SLC15A1: variants seen among roughly 807,000 people sequenced by gnomAD.
SLC15A1 encodes solute carrier family 15 member 1.
Under a neutral mutation model 92.9 loss-of-function variants are expected in SLC15A1, and 83 were observed. That is an observed-to-expected ratio of 0.89 (90% CI 0.75 to 1.07). The LOEUF is 1.07. Ranked by LOEUF, SLC15A1 falls within the 50% of genes least tolerant of loss-of-function variation. The pLI is 0.00. For missense variants in SLC15A1, 857 were observed against 880.1 expected, an observed-to-expected ratio of 0.97 and a Z score of 0.33; for synonymous variants, 322 against 318.2, an observed-to-expected ratio of 1.01 and a Z score of -0.13.
chr13:98,730,760 C>A (rs1407396747), intron 1 of SLC15A1, among the ~76,000 whole-genome samples: 22 of 152,234 alleles, frequency 1.4e-4, no homozygotes, highest in Admixed American at 1.4e-3. Context: ...TTTCCTAAGG[C>A]CCCGTTTATC....
At chr13:98,709,945 G>C in intron 11 of SLC15A1, 34 bp from the exon 12 acceptor site, 1 of 1,610,948 alleles carries the variant, frequency 6.2e-7, no homozygotes, top group Non-Finnish European at 8.5e-7. Flanking sequence ...TATTATTTGG[G>C]GATGTGGGTT....
In SLC15A1 at chr13:98,686,344, G is replaced by A. The variant is rs112268059; in HGVS notation, c.1828-47C>T. On this transcript the variant is annotated intron_variant, in intron 21 of 22. Transcript: ENST00000376503. ...AGTCCTGCTCCAGGTCTCACCCTCCGAGCAGGAGAACACAGCTCACCGATG... is the reference window on the plus strand; with the variant it reads ...AGTCCTGCTCCAGGTCTCACCCTCCAAGCAGGAGAACACAGCTCACCGATG... 71 of 1,343,912 alleles carry A rather than the reference G, an allele frequency of 5.3e-5. No individual in the cohort carries two copies. The African/African-American group carries it at 6.9e-4, about 13-fold the overall frequency. The allele number at this position is 1,343,912 out of a possible 1,614,324, so 83.2% of individuals were successfully genotyped here.
chr13:98,711,249 C>T (rs1310749594), intron 11 of SLC15A1, among the ~76,000 whole-genome samples: 5 of 152,168 alleles, frequency 3.3e-5, no homozygotes, highest in Non-Finnish European at 2.9e-5. Context: ...TAAAAACAAA[C>T]ACTTTCCAAT....
At chr13:98,749,658 G>C (rs891305061) in intron 1 of SLC15A1, among the ~76,000 whole-genome samples, 2 of 152,096 alleles carry the variant, frequency 1.3e-5, no homozygotes, top group African/African-American at 4.8e-5. Flanking sequence ...GACAGCCCTT[G>C]GGAAAAGAAC....
chr13:98,734,783 C>T (rs1413787806), intron 1 of SLC15A1, among the ~76,000 whole-genome samples: 2 of 152,104 alleles, frequency 1.3e-5, no homozygotes, highest in Non-Finnish European at 2.9e-5. Context: ...CAAGACTAAA[C>T]CAGGAAGACA....
intron 18 of SLC15A1, among the ~76,000 whole-genome samples, chr13:98,700,276 C>G (rs9300505): frequency 0.04 from 6,125 of 151,854 alleles, 190 homozygotes; most frequent in East Asian, 0.095. Context: ...TGCTTCAGCT[C>G]AGGAGTTTGA....
intron 1 of SLC15A1, among the ~76,000 whole-genome samples, chr13:98,748,033 C>T (rs1053542589): frequency 6.6e-6 from 1 of 152,196 alleles, no homozygotes; most frequent in African/African-American, 2.4e-5. Context: ...CCTGCTCAGA[C>T]AAACACTCCT....
intron 2 of SLC15A1, 132 bp from the exon 3 acceptor site, chr13:98,726,581 A>G: frequency 1.2e-6 from 1 of 847,422 alleles, no homozygotes; most frequent in Non-Finnish European, 2.0e-6. Flanking sequence ...AGAGCAGGAA[A>G]CTAGCATTTA....
intron 1 of SLC15A1, among the ~76,000 whole-genome samples, chr13:98,732,228 T>C (rs2088356834): frequency 6.6e-6 from 1 of 152,196 alleles, no homozygotes; most frequent in Admixed American, 6.5e-5. Context: ...AGTAGCCTAA[T>C]GTTTCTAGTA....
chr13:98,688,967 T>C (rs1316478849), intron 18 of SLC15A1, among the ~76,000 whole-genome samples: 1 of 152,120 alleles, frequency 6.6e-6, no homozygotes, highest in Non-Finnish European at 1.5e-5. Context: ...AGAGATGGAG[T>C]CTCGCTCTGT....
intron 1 of SLC15A1, among the ~76,000 whole-genome samples, chr13:98,730,425 G>A (rs77157152): frequency 0.011 from 1,641 of 152,254 alleles, 25 homozygotes; most frequent in African/African-American, 0.037. Flanking sequence ...TCCTCCGCAC[G>A]AATAACCTGG....
At chr13:98,716,002 C>T (rs544212433) in intron 8 of SLC15A1, 42 bp from the exon 9 acceptor site, 17 of 1,551,810 alleles carry the variant, frequency 1.1e-5, no homozygotes, top group African/African-American at 4.1e-5. Context: ...AGCATGTGAC[C>T]GAGCGCCCTG....
At chr13:98,723,516 A>G (rs757779789) in intron 5 of SLC15A1, among the ~76,000 whole-genome samples, 1 of 152,236 alleles carries the variant, frequency 6.6e-6, no homozygotes, top group Non-Finnish European at 1.5e-5. Context: ...GATTATTGAA[A>G]AATAGGCAGA....
intron 8 of SLC15A1, among the ~76,000 whole-genome samples, chr13:98,719,016 T>A (rs1264833024): frequency 6.6e-6 from 1 of 152,200 alleles, no homozygotes; most frequent in Non-Finnish European, 1.5e-5. Context: ...ACTCAGTTGG[T>A]TCCTTTTCCT....
intron 1 of SLC15A1, among the ~76,000 whole-genome samples, chr13:98,741,858 GC>G (rs1336532187): frequency 6.6e-6 from 1 of 152,168 alleles, no homozygotes; most frequent in African/African-American, 2.4e-5. Flanking sequence ...GTTTTTGAAT[GC>G]CATTTGCTCA....
chr13:98,722,871 C>T (rs1593998339), intron 5 of SLC15A1, among the ~76,000 whole-genome samples: 1 of 152,178 alleles, frequency 6.6e-6, no homozygotes, highest in East Asian at 1.9e-4. Flanking sequence ...AATACGAACT[C>T]CATGAAATGA....
At chr13:98,730,413 A>T (rs1048517352) in intron 1 of SLC15A1, among the ~76,000 whole-genome samples, 8 of 152,134 alleles carry the variant, frequency 5.3e-5, no homozygotes, top group African/African-American at 1.9e-4. Flanking sequence ...CTGGACAGAG[A>T]TTCCTCCGCA....
chr13:98,705,646 CTT>C (rs1296448914), intron 16 of SLC15A1, among the ~76,000 whole-genome samples: 1 of 152,148 alleles, frequency 6.6e-6, no homozygotes, highest in African/African-American at 2.4e-5. Flanking sequence ...AATCCCAACA[CTT>C]TGGGAGGCTG....
In SLC15A1 at chr13:98,721,857, C is replaced by T. The variant is rs772870642; in HGVS notation, c.412G>A (p.Gly138Arg). 1 of 1,614,014 alleles carries T rather than the reference C, an allele frequency of 6.2e-7. No homozygotes were observed. The highest frequency in any genetic ancestry group is 8.5e-7 in the Non-Finnish European group (1 of 1,180,038). ...GLALIALGTG[G>R]IKPCVSAFGG... ...AACGCAGACACACAGGGTTTGATTCCTCCAGTCCCGAGAGCTATCAGGGCC... is the reference window on the plus strand; with the variant it reads ...AACGCAGACACACAGGGTTTGATTCTTCCAGTCCCGAGAGCTATCAGGGCC... The change falls in exon 6 of 23, where the codon GGA becomes AGA. Residue 138 changes from glycine to arginine, a missense_variant. Physicochemically the swap from Gly to Arg is moderately radical, Grantham distance 125. Transcript: ENST00000376503.
Sources: gnomAD v4.1 joint callset for allele counts (sites outside exome capture counted in the v4.1 genomes callset) on GRCh38, gnomAD v4.1.1 for gene constraint, MANE v1.5 for transcripts, NCBI Gene and HGNC (gene_info 2026-07-23, HGNC 2026-07-21) for gene names.